The following RPGRIP1 variants were observed in gnomAD, a reference collection of about 807,000 sequenced individuals.
The protein encoded by RPGRIP1 is X-linked retinitis pigmentosa GTPase regulator-interacting protein 1.
Under a neutral mutation model 157.9 loss-of-function variants are expected in RPGRIP1, and 128 were observed. That is an observed-to-expected ratio of 0.81 (90% CI 0.70 to 0.94). RPGRIP1 has a LOEUF of 0.94. RPGRIP1 is among the 40% of genes least tolerant of loss of function. The probability of loss-of-function intolerance (pLI) is 0.00; values close to 1 mark genes in which losing one functional copy is unlikely to be tolerated. For synonymous variants in RPGRIP1, 554 were observed against 571.6 expected (o/e 0.97, Z 0.44); for missense variants, 1,486 against 1,545.8 (o/e 0.96, Z 0.65).
intron 18 of RPGRIP1, among the ~76,000 whole-genome samples, chr14:21,328,155 G>A (rs780307536): frequency 6.7e-6 from 1 of 150,018 alleles, no homozygotes; most frequent in Non-Finnish European, 1.5e-5. Flanking sequence ...GGCAACAAGA[G>A]CAGAACTCTG....
Position 21,317,870 on chromosome 14 carries a change from G to A in RPGRIP1, c.1306+20G>A, listed in dbSNP as rs770235827. 6.3e-7 allele frequency: 1 copy of A among 1,585,484 alleles called. No homozygotes were observed. ...AGAAAGGTAGGCTGGACCTTGAAGA[G>A]CTCTCTCAAATGTGGCATCCTCTAC... On this transcript the variant is annotated intron_variant, in intron 11 of 24. Coordinates refer to ENST00000400017, the MANE Select transcript of RPGRIP1 (RefSeq NM_020366.4).
Position 21,325,923 on chromosome 14 carries a change from C to T in RPGRIP1, c.2460C>T (p.Pro820=). The T allele has an allele frequency of 6.2e-7, 1 of 1,613,964 alleles. No homozygotes were observed. Among genetic ancestry groups the T allele is most frequent in the South Asian group, 1.1e-5 (1 of 91,086 alleles). Residue 820 remains proline (P), a synonymous_variant, in exon 17 of 25, where the codon CCC becomes CCT. Transcript: ENST00000400017. ...GGAGTCGATGGCTGGGAACTCAACC[C>T]AGTCCATATGCTGTGTACCGCTTCT... is the stretch of plus-strand genomic sequence containing the variant. ...GLRSRWLGTQ[P]SPYAVYRFFT... is the part of the protein sequence containing the mutation.
At chr14:21,342,750 G>T (rs1885148133) in intron 21 of RPGRIP1, among the ~76,000 whole-genome samples, 1 of 152,002 alleles carries the variant, frequency 6.6e-6, no homozygotes, top group African/African-American at 2.4e-5. Flanking sequence ...CTTTCTATAT[G>T]TGGAGATGAC....
chr14:21,291,643 C>T (rs968504910), intron 2 of RPGRIP1, among the ~76,000 whole-genome samples: 4 of 151,260 alleles, frequency 2.6e-5, no homozygotes, highest in East Asian at 1.9e-4. Flanking sequence ...TGCAGTGGTG[C>T]GATCTTGGCT....
intron 14 of RPGRIP1, among the ~76,000 whole-genome samples, chr14:21,322,348 G>A (rs1882594191): frequency 6.6e-6 from 1 of 151,994 alleles, no homozygotes; most frequent in Non-Finnish European, 1.5e-5. Context: ...TAGTAGAGAT[G>A]GGGTTTCACC....
intron 3 of RPGRIP1, among the ~76,000 whole-genome samples, chr14:21,297,713 G>T (rs1880843583): frequency 6.6e-6 from 1 of 152,134 alleles, no homozygotes; most frequent in Non-Finnish European, 1.5e-5. Context: ...ACTTATTATA[G>T]TATCTAAGCT....
chr14:21,294,209 C>G (rs926826135), intron 2 of RPGRIP1, among the ~76,000 whole-genome samples: 1 of 150,174 alleles, frequency 6.7e-6, no homozygotes, highest in Non-Finnish European at 1.5e-5. Context: ...CTCCAGGGAC[C>G]CAGTAGGAGT....
chr14:21,343,487 G>A (rs1407755094), intron 22 of RPGRIP1, among the ~76,000 whole-genome samples: 8 of 151,924 alleles, frequency 5.3e-5, no homozygotes, highest in Admixed American at 5.3e-4. Flanking sequence ...CCACATTTCA[G>A]CTATATTTAT....
At chr14:21,343,959 A>G (rs117725885) in intron 22 of RPGRIP1, among the ~76,000 whole-genome samples, 5 of 126,230 alleles carry the variant, frequency 4.0e-5, no homozygotes, top group Admixed American at 3.0e-4. Flanking sequence ...CCTGGACTCA[A>G]ATGATTCTCC....
chr14:21,340,016 A>G (rs1263300390), intron 21 of RPGRIP1, among the ~76,000 whole-genome samples: 1 of 152,128 alleles, frequency 6.6e-6, no homozygotes, highest in Non-Finnish European at 1.5e-5. Context: ...TTGAGGAAAG[A>G]TTTCTCTGAG....
chr14:21,328,787 T>C (rs1191646435), intron 19 of RPGRIP1, among the ~76,000 whole-genome samples, 160 bp downstream of exon 19: 4 of 151,124 alleles, frequency 2.6e-5, no homozygotes, highest in East Asian at 2.0e-4. Context: ...CTTTGGGCAG[T>C]TGAGGTGGGC....
chr14:21,304,779 T>C (rs138506451), intron 6 of RPGRIP1, among the ~76,000 whole-genome samples: 62 of 151,990 alleles, frequency 4.1e-4, no homozygotes, highest in African/African-American at 1.4e-3. Context: ...TAGTTTACAT[T>C]AGGGTTCATT....
intron 13 of RPGRIP1, 172 bp downstream of exon 13, chr14:21,321,574 C>T: frequency 7.5e-7 from 1 of 1,326,276 alleles, no homozygotes; most frequent in Non-Finnish European, 9.9e-7. Flanking sequence ...CACACATGCC[C>T]ACGGCACCTT....
intron 20 of RPGRIP1, among the ~76,000 whole-genome samples, chr14:21,330,814 C>A (rs1420454308): frequency 6.6e-6 from 1 of 152,106 alleles, no homozygotes; most frequent in Non-Finnish European, 1.5e-5. Context: ...TTTTGTGTTA[C>A]AAGTGTGATG....
At chr14:21,349,267 A>C (rs1268620254) in intron 24 of RPGRIP1, among the ~76,000 whole-genome samples, 3 of 149,572 alleles carry the variant, frequency 2.0e-5, no homozygotes, top group Admixed American at 6.7e-5. Flanking sequence ...ACGGGCTTTC[A>C]CCATGTTGCC....
At position 21,301,245 on chromosome 14, in the gene RPGRIP1, T is replaced by G; in HGVS notation, c.490+8T>G. 6.3e-7 allele frequency: 1 copy of G among 1,577,690 alleles called. No individual in the cohort carries two copies. Among genetic ancestry groups the G allele is most frequent in the Non-Finnish European group, 8.6e-7 (1 of 1,162,634 alleles). On this transcript the variant is annotated splice_region_variant and intron_variant, in intron 4 of 24. Transcript: ENST00000400017. ...CGGAGAAACCCAAGAGGGGTGAGAT[T>G]TAAGGCTACATCCCCTACAGGGCTA...
chr14:21,286,225 G>A (rs953402059), intron 1 of RPGRIP1, among the ~76,000 whole-genome samples: 7 of 151,890 alleles, frequency 4.6e-5, no homozygotes, highest in Admixed American at 1.3e-4. Context: ...TCCTGACCTC[G>A]GGCGATCCGC....
At chr14:21,310,908 C>T (rs757303340) in intron 8 of RPGRIP1, 1 of 604,828 alleles carries the variant, frequency 1.7e-6, no homozygotes, top group South Asian at 1.4e-5. Context: ...TAAGAGTATT[C>T]TTCTAGCATG....
chr14:21,327,155 C>G (rs553082683), intron 17 of RPGRIP1, among the ~76,000 whole-genome samples: 3 of 152,318 alleles, frequency 2.0e-5, no homozygotes, highest in South Asian at 2.1e-4. Context: ...CTTTGCCAAA[C>G]AGGGGAGGCA....
Sources: allele counts gnomAD v4.1 joint callset (sites outside exome capture counted in the v4.1 genomes callset), GRCh38; gene constraint gnomAD v4.1.1; transcripts MANE v1.5; gene names NCBI Gene and HGNC (gene_info 2026-07-23, HGNC 2026-07-21).